The following XKR6 variants were observed in gnomAD, a reference collection of about 807,000 sequenced individuals.
XKR6 encodes the protein XK-related protein 6.
Under a neutral mutation model 56.7 loss-of-function variants are expected in XKR6, and 22 were observed. The observed-to-expected ratio is 0.39, with a 90% CI of 0.28 to 0.55. XKR6 has a LOEUF of 0.55. Among genes scored for constraint, XKR6 ranks in the 20% least tolerant of loss-of-function variants. XKR6 has a pLI of 0.66. For missense variants in XKR6, 852 were observed against 889.0 expected, an observed-to-expected ratio of 0.96 and a Z score of 0.53; for synonymous variants, 524 against 387.8, an observed-to-expected ratio of 1.35 and a Z score of -4.13.
intron 1 of XKR6, among the ~76,000 whole-genome samples, chr8:11,063,713 G>A (rs114929399): frequency 6.7e-4 from 102 of 152,194 alleles, no homozygotes; most frequent in African/African-American, 2.4e-3. Flanking sequence ...GAACATCCAC[G>A]GAGATGAGGA....
chr8:11,093,098 C>T (rs1798133947), intron 1 of XKR6, among the ~76,000 whole-genome samples: 1 of 152,126 alleles, frequency 6.6e-6, no homozygotes, highest in South Asian at 2.1e-4. Flanking sequence ...TCTTGTCAAT[C>T]AGGCTGGAGT....
rs768644281 is a variant in XKR6 at position 10,971,433 on chromosome 8, A to ATTAATTTAAT, written c.765-46613_765-46604dup. 4.6e-5 allele frequency among the ~76,000 whole-genome samples: 7 copies of ATTAATTTAAT among 152,204 alleles called. No individual in the cohort carries two copies. In the East Asian group the frequency reaches 7.7e-4, roughly 17 times the overall value. On this transcript the variant is annotated intron_variant, in intron 1 of 2. Transcript: ENST00000416569. ...GAGACTCCATCTCGAAAAGTAATTAATTAATTTAATTTAATTTAATTTAAT... is the reference window on the plus strand; with the variant it reads ...GAGACTCCATCTCGAAAAGTAATTAATTAATTTAATTTAATTTAATTTAATTTAATTTAAT...
intron 1 of XKR6, among the ~76,000 whole-genome samples, chr8:11,054,385 T>A (rs1799628695): frequency 6.6e-6 from 1 of 152,234 alleles, no homozygotes; most frequent in African/African-American, 2.4e-5. Context: ...CTATGTGCCC[T>A]GTACAAGAAA....
rs193174267 is a variant in XKR6, at chr8:11,180,765, G to A, written c.764+19811C>T. Among the ~76,000 whole-genome samples, 177 of 152,186 alleles carry A rather than the reference G, an allele frequency of 1.2e-3. 1 individual carries two copies. Among genetic ancestry groups the A allele is most frequent in the African/African-American group, 3.9e-3 (162 of 41,516 alleles). On this transcript the variant is annotated intron_variant, in intron 1 of 2. Transcript: ENST00000416569. ...ACAAAAAAAATATAAAAATTAGCCA[G>A]GTGTGGTGGCCTGCACCTGTAGTCC...
At chr8:10,995,627 G>T (rs973519647) in intron 1 of XKR6, among the ~76,000 whole-genome samples, 3 of 149,462 alleles carry the variant, frequency 2.0e-5, no homozygotes, top group Admixed American at 2.0e-4. Context: ...GGTTGAGGCT[G>T]CAGTAAACTG....
chr8:11,185,891 C>G (rs7845397), intron 1 of XKR6, among the ~76,000 whole-genome samples: 4,217 of 152,322 alleles, frequency 0.028, 175 homozygotes, highest in African/African-American at 0.094. Flanking sequence ...TTAAACTTCA[C>G]AACTATTTTT....
chr8:10,950,049 C>T (rs987039346), intron 1 of XKR6, among the ~76,000 whole-genome samples: 1 of 152,210 alleles, frequency 6.6e-6, no homozygotes, highest in Non-Finnish European at 1.5e-5. Context: ...TGCCCCTCCA[C>T]CCTTCCTGGC....
intron 1 of XKR6, among the ~76,000 whole-genome samples, chr8:11,177,170 G>A (rs1380356225): frequency 2.6e-5 from 4 of 152,166 alleles, no homozygotes; most frequent in South Asian, 2.1e-4. Context: ...ACACTTCTAC[G>A]GGCTTTGGCA....
At chr8:10,994,178 A>AG (rs1290258698) in intron 1 of XKR6, among the ~76,000 whole-genome samples, 1 of 152,210 alleles carries the variant, frequency 6.6e-6, no homozygotes, top group African/African-American at 2.4e-5. Flanking sequence ...TCATCCTGCC[A>AG]GGGGGCTCCT....
chr8:11,042,192 C>G (rs73541296), intron 1 of XKR6, among the ~76,000 whole-genome samples: 6,636 of 152,164 alleles, frequency 0.044, 406 homozygotes, highest in African/African-American at 0.14. Flanking sequence ...GGTCGAGTCT[C>G]CCTTATCCAA....
rs191653272 is a variant in XKR6 at position 11,187,814 on chromosome 8, G to T, written c.764+12762C>A. On this transcript the variant is annotated intron_variant, in intron 1 of 2. Transcript: ENST00000416569. Reference sequence around the variant, plus strand: ...TTAATTCTAGTGAAACTGGCCTGCAGAATAAACTAACATCTCCAAGAATGA... The same window carrying T: ...TTAATTCTAGTGAAACTGGCCTGCATAATAAACTAACATCTCCAAGAATGA... 5.9e-5 allele frequency among the ~76,000 whole-genome samples: 9 copies of T among 152,226 alleles called. No homozygotes were observed. The East Asian group carries it at 1.7e-3, about 29-fold the overall frequency.
intron 1 of XKR6, among the ~76,000 whole-genome samples, chr8:11,114,773 G>GTGTGTGTATA (rs34746866): frequency 0.037 from 5,405 of 146,500 alleles, 157 homozygotes; most frequent in Middle Eastern, 0.082. Flanking sequence ...GTGTGTGTGT[G>GTGTGTGTATA]TATGTGCCAG....
At chr8:11,061,560 G>C (rs576358178) in intron 1 of XKR6, among the ~76,000 whole-genome samples, 2 of 152,260 alleles carry the variant, frequency 1.3e-5, no homozygotes, top group African/African-American at 4.8e-5. Flanking sequence ...AGAAGCACAG[G>C]CCTGTCTGGG....
chr8:10,896,777 A>T lies in XKR6; in HGVS notation c.*1175T>A, dbSNP rs191058961. On this transcript the variant is annotated 3_prime_UTR_variant, in exon 3 of 3. Coordinates refer to ENST00000416569, the MANE Select transcript of XKR6 (RefSeq NM_173683.4). ...TCCTCTTTGTGTTATTTTTTTTTTT[A>T]AAAAAGCACAAATGAAAAATGAAGA... is the stretch of plus-strand genomic sequence containing the variant. The T allele has an allele frequency of 2.1e-3, 323 of 150,554 alleles. 3 individuals carry two copies. The South Asian group carries it at 0.025, about 12-fold the overall frequency. 9.3% of individuals were successfully genotyped at this position (150,554 alleles called of 1,614,324 possible). A position where few individuals can be genotyped will look rare whatever the true frequency, so the allele number is the denominator to read the frequency against.
At chr8:11,031,853 T>A (rs1799001292) in intron 1 of XKR6, among the ~76,000 whole-genome samples, 1 of 152,212 alleles carries the variant, frequency 6.6e-6, no homozygotes, top group Non-Finnish European at 1.5e-5. Context: ...GCAGAATCCA[T>A]GTGTGATTTA....
chr8:10,946,943 G>C (rs1801569102), intron 1 of XKR6, among the ~76,000 whole-genome samples: 1 of 152,126 alleles, frequency 6.6e-6, no homozygotes, highest in Non-Finnish European at 1.5e-5. Context: ...CAGTTCCAGA[G>C]GGTCAAAATC....
At chr8:11,090,971 G>A (rs1798048686) in intron 1 of XKR6, among the ~76,000 whole-genome samples, 1 of 152,122 alleles carries the variant, frequency 6.6e-6, no homozygotes, top group South Asian at 2.1e-4. Context: ...AGCTGTAATG[G>A]AAAAGAGGCA....
intron 1 of XKR6, among the ~76,000 whole-genome samples, chr8:10,965,911 C>CA (rs1802208469): frequency 6.6e-6 from 1 of 152,100 alleles, no homozygotes; most frequent in African/African-American, 2.4e-5. Context: ...CCCTGGGAAC[C>CA]AAAAAACGGC....
chr8:10,993,727 T>G (rs1798046092), intron 1 of XKR6, among the ~76,000 whole-genome samples: 1 of 152,146 alleles, frequency 6.6e-6, no homozygotes, highest in African/African-American at 2.4e-5. Context: ...CCACTTGACT[T>G]CTGACCCACT....
Sources: gnomAD v4.1 joint callset for allele counts (sites outside exome capture counted in the v4.1 genomes callset) on GRCh38, gnomAD v4.1.1 for gene constraint, MANE v1.5 for transcripts, NCBI Gene and HGNC (gene_info 2026-07-23, HGNC 2026-07-21) for gene names.